SPTY2D1: variants seen among roughly 807,000 people sequenced by gnomAD.
SPTY2D1 encodes the protein protein SPT2 homolog.
A neutral mutation model predicts 64.0 loss-of-function variants in SPTY2D1; 21 were observed. The observed-to-expected ratio is 0.33, with a 90% CI of 0.23 to 0.47. The LOEUF (loss-of-function observed/expected upper bound fraction) is 0.47, where lower values mean the gene tolerates loss of function less well. Among genes scored for constraint, SPTY2D1 ranks in the 20% least tolerant of loss-of-function variants. The pLI is 1.00. For synonymous variants in SPTY2D1, 287 were observed against 286.8 expected, an observed-to-expected ratio of 1.00 and a Z score of -0.01; for missense variants, 724 against 837.2, an observed-to-expected ratio of 0.86 and a Z score of 1.67.
In SPTY2D1 at chr11:18,622,101, A is replaced by AAAAAAAAAAAAAAC. The variant is rs71050618; in HGVS notation, c.61-5113_61-5112insGTTTTTTTTTTTTT. Among the ~76,000 whole-genome samples, 795 of 81,276 alleles carry AAAAAAAAAAAAAAC rather than the reference A, an allele frequency of 9.8e-3. 164 individuals carry two copies. The highest frequency in any genetic ancestry group is 0.016 in the Non-Finnish European group (566 of 34,752). 53.3% of individuals were successfully genotyped at this position (81,276 alleles called of 152,430 possible). A position where few individuals can be genotyped will look rare whatever the true frequency, so the allele number is the denominator to read the frequency against. On this transcript the variant is annotated intron_variant, in intron 1 of 5. Transcript: ENST00000336349. The stretch of plus-strand genomic sequence containing the variant: ...GACCCTATCTCAAAAAAAAAAAAAA[A>AAAAAAAAAAAAAAC]AAACCAAAACCAAAACCAAAAAAAC...
rs532109444 is a variant in SPTY2D1, at chr11:18,625,539, A to T, written c.61-8550T>A. 2.6e-3 allele frequency among the ~76,000 whole-genome samples: 393 copies of T among 149,546 alleles called. 2 individuals are homozygous for T. The highest frequency in any genetic ancestry group is 8.9e-3 in the African/African-American group (365 of 41,174). On this transcript the variant is annotated intron_variant, in intron 1 of 5. Transcript: ENST00000336349. ...CCTAACTCAGCCCCAAAATATTCTC[A>T]CTACAACACATCTCATTTTTTTTTT...
chr11:18,618,401 G>C (rs1854335488), intron 1 of SPTY2D1, among the ~76,000 whole-genome samples: 1 of 152,072 alleles, frequency 6.6e-6, no homozygotes, highest in Non-Finnish European at 1.5e-5. Flanking sequence ...ACTGCATCAA[G>C]AAATTACTAA....
chr11:18,632,355 A>AT (rs996670759), intron 1 of SPTY2D1, among the ~76,000 whole-genome samples: 82 of 144,408 alleles, frequency 5.7e-4, no homozygotes, highest in South Asian at 1.1e-3. Context: ...TTATCTATTG[A>AT]TTTTTTTTTT....
At chr11:18,616,761 A>ACC (rs1854305907) in intron 2 of SPTY2D1, 114 bp downstream of exon 2, 1 of 801,930 alleles carries the variant, frequency 1.2e-6, no homozygotes, top group Non-Finnish European at 2.0e-6. Context: ...ACACACACAC[A>ACC]CCCTCCCAAA....
At chr11:18,610,950 G>A (rs755119710) in intron 5 of SPTY2D1, among the ~76,000 whole-genome samples, 2 of 152,152 alleles carry the variant, frequency 1.3e-5, no homozygotes, top group African/African-American at 2.4e-5. Context: ...TCTTGTACAC[G>A]TCTTAATCCT....
chr11:18,615,369 T>A lies in SPTY2D1; in HGVS notation c.905A>T (p.Glu302Val), dbSNP rs1468419488. The A allele has an allele frequency of 9.3e-6, 15 of 1,614,082 alleles. No individual in the cohort carries two copies. The highest frequency in any genetic ancestry group is 1.3e-5 in the Non-Finnish European group (15 of 1,180,026). Residue 302 changes from glutamate to valine, a missense_variant, in exon 3 of 6, where the codon GAG becomes GTG. Coordinates refer to ENST00000336349, the MANE Select transcript of SPTY2D1 (RefSeq NM_194285.3). ...ATTAAAAACAGGTTTGTCGTGGCCC[T>A]CACGAAGTGAGGGTTGGGAGCTATT... ...SGNSSQPSLR[E>V]GHDKPVFNGA...
rs1322049417 is a variant in SPTY2D1 at position 18,616,109 on chromosome 11, C to T, written c.176-11G>A. The T allele has an allele frequency of 2.5e-6, 4 of 1,578,696 alleles. No individual in the cohort carries two copies. In the Admixed American group the frequency reaches 7.5e-5, roughly 30 times the overall value. ...TTTTCTCCTCTAAGGCTAAAAGGGA[C>T]AAAACAAGAATATGTTATTACTTCG... On this transcript the variant is annotated splice_polypyrimidine_tract_variant and intron_variant, in intron 2 of 5. Coordinates refer to ENST00000336349, the MANE Select transcript of SPTY2D1 (RefSeq NM_194285.3).
At chr11:18,634,176 T>C in intron 1 of SPTY2D1, 22 bp downstream of exon 1, 1 of 1,614,032 alleles carries the variant, frequency 6.2e-7, no homozygotes, top group Non-Finnish European at 8.5e-7. Flanking sequence ...TCCCCTACAT[T>C]GATGCCCCAG....
intron 1 of SPTY2D1, among the ~76,000 whole-genome samples, chr11:18,632,128 G>A (rs765455302): frequency 3.3e-5 from 5 of 150,814 alleles, no homozygotes; most frequent in Non-Finnish European, 2.9e-5. Flanking sequence ...CCTCCAGCCC[G>A]GACGACAGAG....
chr11:18,628,360 TC>T (rs1854532929), intron 1 of SPTY2D1, among the ~76,000 whole-genome samples: 1 of 152,212 alleles, frequency 6.6e-6, no homozygotes, highest in Non-Finnish European at 1.5e-5. Flanking sequence ...TGATCATAGA[TC>T]TTTTTAACAT....
intron 1 of SPTY2D1, among the ~76,000 whole-genome samples, chr11:18,621,368 A>AAGAAAAGAAAAG (rs2134114364): frequency 6.8e-6 from 1 of 146,538 alleles, no homozygotes; most frequent in African/African-American, 2.5e-5. Flanking sequence ...AAGAAAAGAA[A>AAGAAAAGAAAAG]AGAAAAGAAA....
Position 18,606,764 on chromosome 11 carries a change from T to C in SPTY2D1, c.*3097A>G, listed in dbSNP as rs1854114018. The C allele has an allele frequency of 2.6e-6, 1 of 389,400 alleles. No homozygotes were observed. The highest frequency in any genetic ancestry group is 2.2e-5 in the African/African-American group (1 of 45,060). 24.1% of individuals were successfully genotyped at this position (389,400 alleles called of 1,614,324 possible). A position where few individuals can be genotyped will look rare whatever the true frequency, so the allele number is the denominator to read the frequency against. On this transcript the variant is annotated 3_prime_UTR_variant, in exon 6 of 6. Coordinates refer to ENST00000336349, the MANE Select transcript of SPTY2D1 (RefSeq NM_194285.3). ...TTGGTCTCCTGCTATATCTCAGAAA[T>C]TTACCAATAGCTGCTTTTAAGTTAC... is the stretch of plus-strand genomic sequence containing the variant.
At chr11:18,621,372 A>G (rs1451933817) in intron 1 of SPTY2D1, among the ~76,000 whole-genome samples, 1 of 147,476 alleles carries the variant, frequency 6.8e-6, no homozygotes, top group Non-Finnish European at 1.5e-5. Flanking sequence ...AAAGAAAAGA[A>G]AAGAAACACT....
chr11:18,616,572 A>T (rs1219054306), intron 2 of SPTY2D1, among the ~76,000 whole-genome samples: 1 of 152,230 alleles, frequency 6.6e-6, no homozygotes, highest in Non-Finnish European at 1.5e-5. Context: ...CCAAGATTAA[A>T]GAAAGAATGG....
rs566973662 is a variant in SPTY2D1 at position 18,608,684 on chromosome 11, G to A, written c.*1177C>T. 2.6e-5 allele frequency: 4 copies of A among 152,412 alleles called. No individual in the cohort carries two copies. Among genetic ancestry groups the A allele is most frequent in the African/African-American group, 7.2e-5 (3 of 41,526 alleles). 9.4% of individuals were successfully genotyped at this position (152,412 alleles called of 1,614,324 possible). A position where few individuals can be genotyped will look rare whatever the true frequency, so the allele number is the denominator to read the frequency against. On this transcript the variant is annotated 3_prime_UTR_variant, in exon 6 of 6. Transcript: ENST00000336349. ...GGAACTGCTTGGACTTGAAGGTTAA[G>A]GGCTATTAAGTCCATATTTATGACT...
intron 1 of SPTY2D1, among the ~76,000 whole-genome samples, chr11:18,630,595 A>G (rs1854572486): frequency 6.6e-6 from 1 of 152,234 alleles, no homozygotes; most frequent in Non-Finnish European, 1.5e-5. Context: ...GTCTGACCCA[A>G]GAACTCTGAA....
intron 1 of SPTY2D1, among the ~76,000 whole-genome samples, chr11:18,627,878 C>CA (rs71313422): frequency 0.52 from 74,420 of 143,768 alleles, 22,443 homozygotes; most frequent in Middle Eastern, 0.72. Flanking sequence ...GACTCCGTCT[C>CA]AAAAAAAAAA....
chr11:18,625,817 C>CT (rs779130410), intron 1 of SPTY2D1, among the ~76,000 whole-genome samples: 11,113 of 118,868 alleles, frequency 0.093, 560 homozygotes, highest in South Asian at 0.18. Context: ...CCAACACTTT[C>CT]TTTTTTTTTT....
rs1042532985 is a variant in SPTY2D1 at position 18,614,839 on chromosome 11, C to T, written c.1435G>A (p.Val479Met). Residue 479 changes from valine to methionine, a missense_variant, in exon 3 of 6, where the codon GTG (valine) becomes ATG (methionine). Physicochemically the swap from Val to Met is conservative, Grantham distance 21 (BLOSUM62 1). Around this residue, in one of 3 missense-constraint regions of SPTY2D1, gnomAD observed 426 missense variants for 431.8 expected, o/e 0.99. Transcript: ENST00000336349. ...CGCCCCGGGGGGCCCAAGCCACTCA[C>T]TGGTCGTCGAAGTTCATGTGGACTG... Reference protein sequence around the residue: ...VSSPHELRRPVSGLGPPGRSV... With the variant: ...VSSPHELRRPMSGLGPPGRSV... 5 of 1,613,568 alleles carry T rather than the reference C, an allele frequency of 3.1e-6. No homozygotes were observed. In the African/African-American group the frequency reaches 5.3e-5, roughly 17 times the overall value.
Sources: gnomAD v4.1 joint callset for allele counts (sites outside exome capture counted in the v4.1 genomes callset) on GRCh38, gnomAD v4.1.1 for gene constraint, gnomAD v4.1.1 regional missense constraint, MANE v1.5 for transcripts, NCBI Gene and HGNC (gene_info 2026-07-23, HGNC 2026-07-21) for gene names.